The following OR2T2 variants were observed in gnomAD, a reference collection of about 807,000 sequenced individuals.
OR2T2 encodes olfactory receptor 2T2.
For missense variants in OR2T2, 138 were observed against 409.1 expected, an observed-to-expected ratio of 0.34 and a Z score of 5.72; for synonymous variants, 50 against 162.7, an observed-to-expected ratio of 0.31 and a Z score of 5.27.
At chr1:248,449,958 T>C (rs558748058) in intron 2 of OR2T2, among the ~76,000 whole-genome samples, 1,558 of 137,390 alleles carry the variant, frequency 0.011, 31 homozygotes, top group African/African-American at 0.048. Context: ...TGTGAATAAG[T>C]CAAACCACAC....
rs1395512993 is a variant in OR2T2, at chr1:248,453,854, G to C, written c.*82G>C. The C allele has an allele frequency of 2.2e-5, 33 of 1,532,388 alleles. No homozygotes were observed. In the Middle Eastern group the frequency reaches 5.1e-4, roughly 24 times the overall value. The allele number at this position is 1,532,388 out of a possible 1,614,324, so 94.9% of individuals were successfully genotyped here. On this transcript the variant is annotated 3_prime_UTR_variant, in exon 3 of 3. Coordinates refer to ENST00000642130, the Ensembl canonical transcript of OR2T2. ...TCCCAGAGCATCAGGGGTGGTGACT[G>C]ATCAGGAAGGACTAGCAAGGACTAG...
intron 2 of OR2T2, among the ~76,000 whole-genome samples, chr1:248,448,806 TTA>T (rs1236416575): frequency 1.6e-4 from 12 of 73,108 alleles, no homozygotes; most frequent in South Asian, 9.0e-4. Flanking sequence ...GCACTTAGGA[TTA>T]GTAACATGTT....
At chr1:248,447,526 C>T (rs1662692965) in intron 2 of OR2T2, among the ~76,000 whole-genome samples, 1 of 146,686 alleles carries the variant, frequency 6.8e-6, no homozygotes, top group South Asian at 2.2e-4. Context: ...TTAGACTGGA[C>T]TCTCCCCTCT....
chr1:248,453,178 G>C, exon 3 of OR2T2: 1 of 1,611,756 alleles, frequency 6.2e-7, no homozygotes, highest in Non-Finnish European at 8.5e-7. Flanking sequence ...ATGTGGCTGT[G>C]TGCAACCCTC....
chr1:248,450,119 G>A lies in OR2T2; in HGVS notation c.-22-2657G>A, dbSNP rs550063343. 2.0e-5 allele frequency among the ~76,000 whole-genome samples: 3 copies of A among 149,604 alleles called. No homozygotes were observed. In the South Asian group the frequency reaches 6.3e-4, roughly 31 times the overall value. On this transcript the variant is annotated intron_variant, in intron 2 of 2. Coordinates refer to ENST00000642130, the Ensembl canonical transcript of OR2T2. ...CCAGTAGCCTATGGAATAACATTAG[G>A]CATGCATTTGAACATGTCACATTTG... is the stretch of plus-strand genomic sequence containing the variant.
At chr1:248,453,831 C>A in exon 3 of OR2T2, 2 of 1,421,122 alleles carry the variant, frequency 1.4e-6, no homozygotes, top group African/African-American at 1.7e-5. Context: ...GCGGGGACTC[C>A]CAGAGCATCA....
chr1:248,447,136 TCA>T (rs1662681584), intron 2 of OR2T2, among the ~76,000 whole-genome samples: 1 of 151,866 alleles, frequency 6.6e-6, no homozygotes, highest in African/African-American at 2.4e-5. Flanking sequence ...GAAATTCACA[TCA>T]TTGGATACTA....
intron 2 of OR2T2, among the ~76,000 whole-genome samples, chr1:248,449,832 T>TTCTTTC (rs572066165): frequency 3.1e-5 from 4 of 129,392 alleles, no homozygotes; most frequent in Non-Finnish European, 6.1e-5. Context: ...CTTTTTCTTT[T>TTCTTTC]TTTTTTTTTT....
rs144488546 is a variant in OR2T2 at position 248,446,235 on chromosome 1, C to CTTTTTTT, written c.-245-351_-245-345dup. Among the ~76,000 whole-genome samples, 7 of 139,400 alleles carry CTTTTTTT rather than the reference C, an allele frequency of 5.0e-5. 1 individual carries two copies. Among genetic ancestry groups the CTTTTTTT allele is most frequent in the African/African-American group, 9.0e-5 (3 of 33,322 alleles). 91.5% of individuals were successfully genotyped at this position (139,400 alleles called of 152,430 possible). ...AAGGCATCCACGTGTGCCTTAAGATCTTTTTTTTTAATAAAACTATTAGAG... is the reference window on the plus strand; with the variant it reads ...AAGGCATCCACGTGTGCCTTAAGATCTTTTTTTTTTTTTTTTAATAAAACTATTAGAG... On this transcript the variant is annotated intron_variant, in intron 1 of 2. Transcript: ENST00000642130.
chr1:248,448,016 G>A (rs1353944392), intron 2 of OR2T2, among the ~76,000 whole-genome samples: 22 of 152,282 alleles, frequency 1.4e-4, no homozygotes, highest in African/African-American at 4.8e-4. Context: ...TACCCCCTGA[G>A]TCATTCAGTA....
chr1:248,446,601 G>A (rs1662662171), exon 2 of OR2T2: 1 of 147,424 alleles, frequency 6.8e-6, no homozygotes, highest in Non-Finnish European at 1.5e-5. Flanking sequence ...TTAGCAGGGT[G>A]GACTGGATGG....
chr1:248,453,964 T>C (rs1662882751), exon 3 of OR2T2: 1 of 624,514 alleles, frequency 1.6e-6, no homozygotes, highest in Non-Finnish European at 2.8e-6. Flanking sequence ...AGTGTCACTT[T>C]CAGCAATTCA....
chr1:248,450,433 CCT>C (rs1662770263), intron 2 of OR2T2, among the ~76,000 whole-genome samples: 1 of 147,202 alleles, frequency 6.8e-6, no homozygotes, highest in Non-Finnish European at 1.5e-5. Context: ...TTTTTACTCT[CCT>C]CTTCTGGGAT....
chr1:248,449,205 C>T lies in OR2T2; in HGVS notation c.-23+2394C>T, dbSNP rs1474876784. On this transcript the variant is annotated intron_variant, in intron 2 of 2. In the 5' UTR this introduces an upstream ATG that the reference lacks. Coordinates refer to ENST00000642130, the Ensembl canonical transcript of OR2T2. Reference sequence around the variant, plus strand: ...CCTTCCCTTTCAAGCTTTACAGGTACGTTGTGTCAAGTGGAGAAGATCAGT... The same window carrying T: ...CCTTCCCTTTCAAGCTTTACAGGTATGTTGTGTCAAGTGGAGAAGATCAGT... The T allele has an allele frequency of 5.0e-4, 76 of 150,936 alleles. No individual in the cohort carries two copies. Among genetic ancestry groups the T allele is most frequent in the African/African-American group, 1.5e-3 (63 of 41,116 alleles). 9.3% of individuals were successfully genotyped at this position (150,936 alleles called of 1,614,324 possible). A position where few individuals can be genotyped will look rare whatever the true frequency, so the allele number is the denominator to read the frequency against.
At chr1:248,452,626 C>T in intron 2 of OR2T2, 150 bp from the exon 4 acceptor site, 3 of 782,464 alleles carry the variant, frequency 3.8e-6, no homozygotes, top group Non-Finnish European at 6.2e-6. Flanking sequence ...CAATATCATA[C>T]AGATCATTAA....
chr1:248,450,119 G>C (rs550063343), intron 2 of OR2T2, among the ~76,000 whole-genome samples: 1 of 149,498 alleles, frequency 6.7e-6, no homozygotes, highest in East Asian at 1.9e-4. Context: ...ATAACATTAG[G>C]CATGCATTTG....
exon 3 of OR2T2, chr1:248,452,831 A>G (rs369841679): frequency 1.2e-6 from 2 of 1,614,058 alleles, no homozygotes; most frequent in Non-Finnish European, 1.7e-6. Flanking sequence ...GAACTCCACT[A>G]ACTTCGTCCT....
At chr1:248,450,049 T>G (rs1662757504) in intron 2 of OR2T2, among the ~76,000 whole-genome samples, 1 of 149,418 alleles carries the variant, frequency 6.7e-6, no homozygotes, top group African/African-American at 2.6e-5. Context: ...ACTGATGACA[T>G]GTTTTGTCCA....
intron 2 of OR2T2, among the ~76,000 whole-genome samples, chr1:248,450,429 C>G (rs1324342497): frequency 5.4e-5 from 8 of 147,012 alleles, no homozygotes; most frequent in Non-Finnish European, 1.0e-4. Context: ...AGCTTTTTTA[C>G]TCTCCTCTTC....
Sources: gnomAD v4.1 joint callset for allele counts (sites outside exome capture counted in the v4.1 genomes callset) on GRCh38, gnomAD v4.1.1 for gene constraint, MANE v1.5 for transcripts, NCBI Gene and HGNC (gene_info 2026-07-23, HGNC 2026-07-21) for gene names.